The following SLFNL1 variants were observed in gnomAD, a reference collection of about 807,000 sequenced individuals.
SLFNL1 encodes schlafen-like protein 1.
In SLFNL1, 26 loss-of-function variants were observed where a neutral mutation model predicts 32.5. The observed-to-expected ratio is 0.80, with a 90% CI of 0.59 to 1.11. The LOEUF (loss-of-function observed/expected upper bound fraction) is 1.11, where lower values mean the gene tolerates loss of function less well. Ranked by LOEUF, SLFNL1 falls within the 50% of genes least tolerant of loss-of-function variation. The probability of loss-of-function intolerance (pLI) is 0.00; values close to 1 mark genes in which losing one functional copy is unlikely to be tolerated. For synonymous variants in SLFNL1, 255 were observed against 242.2 expected (o/e 1.05, Z -0.49); for missense variants, 553 against 546.5 (o/e 1.01, Z -0.12).
In SLFNL1 at chr1:41,017,392, C is replaced by T. The variant is rs191743877; in HGVS notation, c.958-15G>A. 158 of 1,610,196 alleles carry T rather than the reference C, an allele frequency of 9.8e-5. 1 individual carries two copies. The African/African-American group carries it at 1.9e-3, about 19-fold the overall frequency. On this transcript the variant is annotated splice_polypyrimidine_tract_variant and intron_variant, in intron 4 of 5. Transcript: ENST00000302946. The surrounding 1 kb of genome is among the most constrained non-coding windows in gnomAD (Gnocchi z 4.9). ...AGGCGGATCACCTTGGTAGGGGCAA[C>T]AGCAGCTCTGGAGGCGCCGCCCCTC...
chr1:41,017,191 G>T lies in SLFNL1; in HGVS notation c.1101+43C>A. On this transcript the variant is annotated intron_variant, in intron 5 of 5. Transcript: ENST00000302946. This position sits in a 1 kb window ranked among gnomAD's most constrained non-coding sequence, Gnocchi z 4.9. ...CAGTGGGTGGCTGAAGGGGTCTGGG[G>T]TCAGCTCCGCTCCACCCCACCCACT... 6.6e-7 allele frequency: 1 copy of T among 1,518,848 alleles called. No homozygotes were observed. Among genetic ancestry groups the T allele is most frequent in the Non-Finnish European group, 8.8e-7 (1 of 1,136,500 alleles). 94.1% of individuals were successfully genotyped at this position (1,518,848 alleles called of 1,614,324 possible).
chr1:41,018,900 C>A (rs1037632354), intron 3 of SLFNL1, among the ~76,000 whole-genome samples: 1 of 130,938 alleles, frequency 7.6e-6, no homozygotes, highest in African/African-American at 2.9e-5. Flanking sequence ...AGTGCAGTGG[C>A]GTGATCTCGG....
chr1:41,018,050 T>C lies in SLFNL1; in HGVS notation c.542A>G (p.Gln181Arg). 1.3e-6 allele frequency: 2 copies of C among 1,591,418 alleles called. No homozygotes were observed. The highest frequency in any genetic ancestry group is 1.7e-6 in the Non-Finnish European group (2 of 1,169,314). Residue 181 changes from glutamine (Q) to arginine (R), a missense_variant, in exon 4 of 6, where the codon CAG (glutamine) becomes CGG (arginine). Coordinates refer to ENST00000302946, the MANE Select transcript of SLFNL1 (RefSeq NM_144990.4). ...WPTHTLPDRP[Q>R]AQQLQSCQGR... is the part of the protein sequence containing the mutation. ...CTGGCAGCTCTGCAGCTGCTGGGCC[T>C]GGGGCCTATCAGGCAGCGTGTGTGT...
At position 41,017,457 on chromosome 1, in the gene SLFNL1, G is replaced by T. The variant is rs1019717436; in HGVS notation, c.958-80C>A. 1 of 1,549,638 alleles carries T rather than the reference G, an allele frequency of 6.5e-7. No individual in the cohort carries two copies. Among genetic ancestry groups the T allele is most frequent in the Non-Finnish European group, 8.7e-7 (1 of 1,149,542 alleles). ...CCATCCTGCCAGGCTGCTCAGCATT[G>T]CTCACTGATTCCTTAGGGCAGGCCA... On this transcript the variant is annotated intron_variant, in intron 4 of 5. Transcript: ENST00000302946. The surrounding 1 kb of genome is among the most constrained non-coding windows in gnomAD (Gnocchi z 4.9).
Position 41,020,313 on chromosome 1 carries a change from C to T in SLFNL1, c.348G>A (p.Leu116=). ...ASLPWRLQTA[L]EEHLILKELA... ...GCTCCTTGAGGATTAGGTGCTCCTC[C>T]AGGGCCGTCTGCAGGCGCCAGGGGA... Residue 116 remains leucine, a synonymous_variant, in exon 3 of 6, where the codon CTG becomes CTA. Coordinates refer to ENST00000302946, the MANE Select transcript of SLFNL1 (RefSeq NM_144990.4). 1 of 1,613,724 alleles carries T rather than the reference C, an allele frequency of 6.2e-7. No individual in the cohort carries two copies. Among genetic ancestry groups the T allele is most frequent in the Non-Finnish European group, 8.5e-7 (1 of 1,180,010 alleles).
In SLFNL1 at chr1:41,016,068, G is replaced by A. The variant is rs763630418; in HGVS notation, c.*38C>T. 12 of 1,593,244 alleles carry A rather than the reference G, an allele frequency of 7.5e-6. No homozygotes were observed. The highest frequency in any genetic ancestry group is 1.0e-5 in the Non-Finnish European group (12 of 1,168,280). ...AACAGGAAATCCCTGGGTCTCAGGTGGAGAGTGCCGTGCCGTCCTGCCTGC... is the reference window on the plus strand; with the variant it reads ...AACAGGAAATCCCTGGGTCTCAGGTAGAGAGTGCCGTGCCGTCCTGCCTGC... On this transcript the variant is annotated 3_prime_UTR_variant, in exon 6 of 6. Transcript: ENST00000302946.
At chr1:41,019,050 G>A (rs1643618584) in intron 3 of SLFNL1, among the ~76,000 whole-genome samples, 2 of 151,496 alleles carry the variant, frequency 1.3e-5, no homozygotes, top group Admixed American at 6.6e-5. Context: ...CCATGGTCTC[G>A]ATCTCCTGAC....
rs565481663 is a variant in SLFNL1 at position 41,015,997 on chromosome 1, G to T, written c.*109C>A. On this transcript the variant is annotated 3_prime_UTR_variant, in exon 6 of 6. Coordinates refer to ENST00000302946, the MANE Select transcript of SLFNL1 (RefSeq NM_144990.4). ...TGCCATGTTGAAGGAGTCCCTGTCC[G>T]CCTCTCAGCAGCCCGCATGGGCTTT... 5.6e-6 allele frequency: 8 copies of T among 1,428,450 alleles called. No individual in the cohort carries two copies. The highest frequency in any genetic ancestry group is 7.5e-6 in the Non-Finnish European group (8 of 1,067,674). 88.5% of individuals were successfully genotyped at this position (1,428,450 alleles called of 1,614,324 possible).
At chr1:41,019,405 T>A (rs11209363) in intron 3 of SLFNL1, among the ~76,000 whole-genome samples, 1 of 152,058 alleles carries the variant, frequency 6.6e-6, no homozygotes, top group South Asian at 2.1e-4. Flanking sequence ...GAGTGACCTA[T>A]CCTAACGTCC....
Position 41,020,444 on chromosome 1 carries a change from G to T in SLFNL1, c.217C>A (p.Arg73=). The stretch of plus-strand genomic sequence containing the variant: ...TCCCGCGCCACCGGCATCTCCAGCC[G>T]CTCCAGGGTGTCTCGCAGCAGGCAG... ...LACLLRDTLE[R]LEMPVAREHI... The change falls in exon 3 of 6, where the codon CGG becomes AGG. Residue 73 remains arginine, a synonymous_variant. Coordinates refer to ENST00000302946, the MANE Select transcript of SLFNL1 (RefSeq NM_144990.4). The T allele has an allele frequency of 4.3e-6, 7 of 1,613,234 alleles. No homozygotes were observed. Among genetic ancestry groups the T allele is most frequent in the Non-Finnish European group, 5.9e-6 (7 of 1,180,030 alleles).
At chr1:41,018,392 C>T in intron 3 of SLFNL1, 1 of 445,668 alleles carries the variant, frequency 2.2e-6, no homozygotes. Context: ...CCAAGCTGGG[C>T]CCTTCCCAGG....
rs775329030 is a variant in SLFNL1 at position 41,020,318 on chromosome 1, C to G, written c.343G>C (p.Ala115Pro). The change falls in exon 3 of 6, where the codon GCC becomes CCC. Residue 115 changes from alanine to proline, a missense_variant. Physicochemically the swap from Ala to Pro is conservative, Grantham distance 27. Transcript: ENST00000302946. ...TTGAGGATTAGGTGCTCCTCCAGGG[C>G]CGTCTGCAGGCGCCAGGGGAGGGAG... ...LASLPWRLQT[A>P]LEEHLILKEL... is the part of the protein sequence containing the mutation. The G allele has an allele frequency of 6.2e-7, 1 of 1,613,680 alleles. No homozygotes were observed. Among genetic ancestry groups the G allele is most frequent in the Non-Finnish European group, 8.5e-7 (1 of 1,180,002 alleles).
chr1:41,020,439 C>T lies in SLFNL1; in HGVS notation c.222G>A (p.Leu74=). ...ACLLRDTLER[L]EMPVAREHIE... is the part of the protein sequence containing the mutation. ...TGTGCTCCCGCGCCACCGGCATCTC[C>T]AGCCGCTCCAGGGTGTCTCGCAGCA... The change falls in exon 3 of 6, where the codon CTG becomes CTA. Residue 74 remains leucine, a synonymous_variant. Transcript: ENST00000302946. 6.2e-7 allele frequency: 1 copy of T among 1,613,310 alleles called. No homozygotes were observed. The highest frequency in any genetic ancestry group is 8.5e-7 in the Non-Finnish European group (1 of 1,180,040).
chr1:41,020,329 C>G lies in SLFNL1; in HGVS notation c.332G>C (p.Arg111Pro). The G allele has an allele frequency of 1.2e-6, 2 of 1,613,638 alleles. No homozygotes were observed. The highest frequency in any genetic ancestry group is 1.7e-6 in the Non-Finnish European group (2 of 1,180,020). ...GTGCTCCTCCAGGGCCGTCTGCAGG[C>G]GCCAGGGGAGGGAGGCCAGGGTGTC... ...HRDTLASLPW[R>P]LQTALEEHLI... Residue 111 changes from arginine to proline, a missense_variant, in exon 3 of 6, where the codon CGC (arginine) becomes CCC (proline). By Grantham distance (103) the Arg-to-Pro change is moderately radical. Transcript: ENST00000302946.
intron 3 of SLFNL1, 112 bp downstream of exon 3, chr1:41,020,114 G>T: frequency 1.7e-6 from 2 of 1,154,856 alleles, no homozygotes; most frequent in Non-Finnish European, 2.4e-6. Flanking sequence ...TTGCAGATTT[G>T]TCCCTGCTTC....
chr1:41,018,964 C>G (rs1002877588), intron 3 of SLFNL1, among the ~76,000 whole-genome samples: 12 of 151,682 alleles, frequency 7.9e-5, no homozygotes, highest in African/African-American at 2.7e-4. Context: ...CTCAGCCTCC[C>G]GAGTAGCTGG....
In SLFNL1 at chr1:41,018,150, C is replaced by T; in HGVS notation, c.442G>A (p.Glu148Lys). 1 of 1,483,508 alleles carries T rather than the reference C, an allele frequency of 6.7e-7. No homozygotes were observed. 91.9% of individuals were successfully genotyped at this position (1,483,508 alleles called of 1,614,324 possible). Residue 148 changes from glutamate to lysine, a missense_variant, in exon 4 of 6, where the codon GAG (glutamate) becomes AAG (lysine). Glu to Lys is a moderately conservative substitution (Grantham distance 56). Transcript: ENST00000302946. Reference protein sequence around the residue: ...QGPFSHREEKEEEEEDSGLSP... With the variant: ...QGPFSHREEKKEEEEDSGLSP... ...AGGCCACTGTCCTCCTCCTCCTCCT[C>T]CTTCTCCTAGGGTGGTAGTCAAGAA...
At chr1:41,016,352 G>A (rs1643324978) in intron 5 of SLFNL1, 124 bp from the exon 6 acceptor site, 2 of 1,456,322 alleles carry the variant, frequency 1.4e-6, no homozygotes, top group South Asian at 1.4e-5. Context: ...TCTCAGCTAG[G>A]GGAAAAGTCA....
intron 3 of SLFNL1, among the ~76,000 whole-genome samples, chr1:41,018,833 T>TTG: frequency 7.5e-6 from 1 of 132,908 alleles, no homozygotes; most frequent in Non-Finnish European, 1.6e-5. Flanking sequence ...CTCCTGTTTT[T>TTG]TTTTTTTTTT....
Sources: gnomAD v4.1 joint callset for allele counts (sites outside exome capture counted in the v4.1 genomes callset) on GRCh38, gnomAD v4.1.1 for gene constraint, Gnocchi (gnomAD v3.1) non-coding constraint, MANE v1.5 for transcripts, NCBI Gene and HGNC (gene_info 2026-07-23, HGNC 2026-07-21) for gene names.